The following KL variants were observed in gnomAD, a reference collection of about 807,000 sequenced individuals.
The protein encoded by KL is klotho.
A neutral mutation model predicts 84.2 loss-of-function variants in KL; 62 were observed. That is an observed-to-expected ratio of 0.74 (90% CI 0.60 to 0.91). The LOEUF (loss-of-function observed/expected upper bound fraction) is 0.91. Among genes scored for constraint, KL ranks in the 40% least tolerant of loss-of-function variants. The pLI, the probability that KL is intolerant of heterozygous loss-of-function variation, is 0.00. For synonymous variants in KL, 528 were observed against 528.0 expected, an observed-to-expected ratio of 1.00 and a Z score of 0.00; for missense variants, 1,261 against 1,305.7, an observed-to-expected ratio of 0.97 and a Z score of 0.53.
intron 1 of KL, among the ~76,000 whole-genome samples, chr13:33,046,580 T>C (rs1418460397): frequency 6.6e-6 from 1 of 152,162 alleles, no homozygotes; most frequent in Non-Finnish European, 1.5e-5. Context: ...TTGATTTTTT[T>C]CAAAGAACCA....
chr13:33,021,149 C>T (rs1337128255), intron 1 of KL, among the ~76,000 whole-genome samples: 1 of 152,182 alleles, frequency 6.6e-6, no homozygotes, highest in African/African-American at 2.4e-5. Context: ...TCTGGTTTAC[C>T]GAATAGCCTG....
At chr13:33,048,609 T>C (rs1003298553) in intron 1 of KL, among the ~76,000 whole-genome samples, 1 of 151,066 alleles carries the variant, frequency 6.6e-6, no homozygotes, top group African/African-American at 2.4e-5. Context: ...CTCCAGTACG[T>C]TGACCTGCTT....
intron 1 of KL, among the ~76,000 whole-genome samples, chr13:33,050,510 G>T (rs1490921637): frequency 6.6e-6 from 1 of 152,194 alleles, no homozygotes; most frequent in Non-Finnish European, 1.5e-5. Flanking sequence ...GGGAGGGAGT[G>T]AGGGAACTCC....
At chr13:33,053,183 A>AG (rs1328237230) in intron 1 of KL, among the ~76,000 whole-genome samples, 1 of 152,132 alleles carries the variant, frequency 6.6e-6, no homozygotes, top group Non-Finnish European at 1.5e-5. Flanking sequence ...TCTGGAGGGT[A>AG]GGCCAAGGTT....
chr13:33,027,038 G>C (rs995753320), intron 1 of KL, among the ~76,000 whole-genome samples: 4 of 152,114 alleles, frequency 2.6e-5, no homozygotes, highest in African/African-American at 7.2e-5. Context: ...TGGGGTCCTT[G>C]CTGGATCGTG....
chr13:33,057,220 A>G (rs990360154), intron 3 of KL, among the ~76,000 whole-genome samples: 5 of 151,880 alleles, frequency 3.3e-5, no homozygotes, highest in Non-Finnish European at 7.4e-5. Flanking sequence ...AGTCCTTTGT[A>G]TGCGGCACAA....
Position 33,047,356 on chromosome 13 carries a change from C to CTT in KL, c.820-6398_820-6397dup, listed in dbSNP as rs57916391. Among the ~76,000 whole-genome samples the CTT allele has an allele frequency of 4.1e-4, 57 of 139,252 alleles. 1 individual carries two copies. Among genetic ancestry groups the CTT allele is most frequent in the African/African-American group, 1.1e-3 (43 of 38,272 alleles). 91.4% of individuals were successfully genotyped at this position (139,252 alleles called of 152,430 possible). ...AACTTACTTTTCTAAAATCTACTTT[C>CTT]TTTTTTTTTTTTTTGAGATGGAGTC... is the stretch of plus-strand genomic sequence containing the variant. On this transcript the variant is annotated intron_variant, in intron 1 of 4. Coordinates refer to ENST00000380099, the MANE Select transcript of KL (RefSeq NM_004795.4).
At chr13:33,051,780 C>G (rs1403815172) in intron 1 of KL, among the ~76,000 whole-genome samples, 1 of 152,158 alleles carries the variant, frequency 6.6e-6, no homozygotes, top group East Asian at 1.9e-4. Context: ...CTTTCATTCC[C>G]TGTTCAGCGC....
chr13:33,025,415 A>G (rs375966479), intron 1 of KL, among the ~76,000 whole-genome samples: 1 of 152,156 alleles, frequency 6.6e-6, no homozygotes. Flanking sequence ...ATAAAACTTT[A>G]TTTACAAAAA....
chr13:33,042,340 T>C (rs757286260), intron 1 of KL, among the ~76,000 whole-genome samples: 1 of 152,180 alleles, frequency 6.6e-6, no homozygotes, highest in Non-Finnish European at 1.5e-5. Context: ...CAAGTAAAGA[T>C]ATAGAATATT....
At chr13:33,045,726 G>A (rs1198951) in intron 1 of KL, among the ~76,000 whole-genome samples, 41,771 of 151,956 alleles carry the variant, frequency 0.27, 6,196 homozygotes, top group East Asian at 0.49. Context: ...TGATCCGCCC[G>A]CCTCGGCCTC....
chr13:33,018,840 A>C (rs763217067), intron 1 of KL, among the ~76,000 whole-genome samples: 1 of 152,228 alleles, frequency 6.6e-6, no homozygotes, highest in African/African-American at 2.4e-5. Context: ...CCCTAGGATA[A>C]ACTTGCATAT....
Position 33,017,121 on chromosome 13 carries a change from C to A in KL, c.681C>A (p.Phe227Leu). The A allele has an allele frequency of 6.2e-7, 1 of 1,604,396 alleles. No individual in the cohort carries two copies. Among genetic ancestry groups the A allele is most frequent in the East Asian group, 2.2e-5 (1 of 44,858 alleles). Residue 227 changes from phenylalanine to leucine, a missense_variant, in exon 1 of 5, where the codon TTC (phenylalanine) becomes TTA (leucine). Phe to Leu is a conservative substitution (Grantham distance 22). Transcript: ENST00000380099. ...ACGCGGAGCTCTGCTTCCGCCACTTCGGCGGTCAGGTCAAGTACTGGATCA... is the reference window on the plus strand; with the variant it reads ...ACGCGGAGCTCTGCTTCCGCCACTTAGGCGGTCAGGTCAAGTACTGGATCA... ...RDYAELCFRH[F>L]GGQVKYWITI...
rs756908165 is a variant in KL, at chr13:33,017,129, AGG to A, written c.690_691del (p.Gln230HisfsTer104). On this transcript the variant is annotated frameshift_variant, in exon 1 of 5. Transcript: ENST00000380099. LOFTEE classifies it high-confidence loss of function. ...CTCTGCTTCCGCCACTTCGGCGGTCAGGTCAAGTACTGGATCACCATCGACAA... is the reference window on the plus strand; with the variant it reads ...CTCTGCTTCCGCCACTTCGGCGGTCATCAAGTACTGGATCACCATCGACAA... The A allele has an allele frequency of 1.2e-6, 2 of 1,603,754 alleles. No homozygotes were observed. Among genetic ancestry groups the A allele is most frequent in the Non-Finnish European group, 8.5e-7 (1 of 1,179,782 alleles).
chr13:33,046,798 T>A (rs1226205530), intron 1 of KL, among the ~76,000 whole-genome samples: 1 of 151,990 alleles, frequency 6.6e-6, no homozygotes, highest in African/African-American at 2.4e-5. Context: ...CCTCTGAGCA[T>A]TGCTTTTGCT....
chr13:33,046,715 A>C (rs1255059695), intron 1 of KL, among the ~76,000 whole-genome samples: 4 of 148,762 alleles, frequency 2.7e-5, no homozygotes, highest in Admixed American at 6.7e-5. Flanking sequence ...TTATTTTCTT[A>C]AGGTGGAAGA....
rs1872167478 is a variant in KL, at chr13:33,061,050, G to A, written c.1971G>A (p.Trp657Ter). 5.6e-6 allele frequency: 9 copies of A among 1,611,954 alleles called. No individual in the cohort carries two copies. Among genetic ancestry groups the A allele is most frequent in the African/African-American group, 1.3e-5 (1 of 75,026 alleles). ...LPRLLARQGA[W>*]ENPYTALAFA... ...GCCTCCTGGCCAGGCAGGGCGCCTG[G>A]GAGAACCCCTACACTGCCCTGGCCT... The change falls in exon 4 of 5, where the codon TGG becomes TGA. Residue 657 changes from tryptophan to a stop codon, truncating the protein, a stop_gained. Coordinates refer to ENST00000380099, the MANE Select transcript of KL (RefSeq NM_004795.4). LOFTEE classifies it high-confidence loss of function.
At position 33,065,056 on chromosome 13, in the gene KL, A is replaced by T. The variant is rs1216205525; in HGVS notation, c.*870A>T. On this transcript the variant is annotated 3_prime_UTR_variant, in exon 5 of 5. Coordinates refer to ENST00000380099, the MANE Select transcript of KL (RefSeq NM_004795.4). ...GCTTATTATGTGCAACATTATGATT[A>T]ATCTGATTATACACCATTTTTGAGC... The T allele has an allele frequency of 1.3e-5, 3 of 228,624 alleles. No homozygotes were observed. Among genetic ancestry groups the T allele is most frequent in the Non-Finnish European group, 1.7e-5 (2 of 115,142 alleles). The allele number at this position is 228,624 out of a possible 1,614,324, so 14.2% of individuals were successfully genotyped here. A position where few individuals can be genotyped will look rare whatever the true frequency, so the allele number is the denominator to read the frequency against.
chr13:33,048,231 G>C (rs565809041), intron 1 of KL, among the ~76,000 whole-genome samples: 1 of 152,176 alleles, frequency 6.6e-6, no homozygotes, highest in Admixed American at 6.5e-5. Flanking sequence ...TAGGAAGCCT[G>C]GTCAATATTG....
Sources: allele counts gnomAD v4.1 joint callset (sites outside exome capture counted in the v4.1 genomes callset), GRCh38; gene constraint gnomAD v4.1.1; transcripts MANE v1.5; gene names NCBI Gene and HGNC (gene_info 2026-07-23, HGNC 2026-07-21).